The following ASB3 variants were observed in gnomAD, a reference collection of about 807,000 sequenced individuals.
ASB3 encodes the protein ankyrin repeat and SOCS box containing 3, also known as ankyrin repeat and SOCS box protein 3.
In ASB3, 41 loss-of-function variants were observed where a neutral mutation model predicts 54.5. The ratio of observed to expected loss-of-function variants is 0.75; its 90% CI spans 0.59 to 0.98. The LOEUF is 0.98. Among genes scored for constraint, ASB3 ranks in the 50% least tolerant of loss-of-function variants. The pLI, the probability that ASB3 is intolerant of heterozygous loss-of-function variation, is 0.00. For missense variants in ASB3, 733 were observed against 620.0 expected (o/e 1.18, Z -1.94); for synonymous variants, 266 against 221.2 (o/e 1.20, Z -1.80).
intron 5 of ASB3, among the ~76,000 whole-genome samples, chr2:53,717,354 C>A (rs576449802): frequency 6.6e-6 from 1 of 152,068 alleles, no homozygotes; most frequent in South Asian, 2.1e-4. Flanking sequence ...ATGGGAGCCA[C>A]GCCTTAAAAC....
intron 5 of ASB3, among the ~76,000 whole-genome samples, chr2:53,726,597 TAC>T (rs905884482): frequency 2.6e-5 from 4 of 151,068 alleles, no homozygotes; most frequent in Non-Finnish European, 4.4e-5. Flanking sequence ...TATATATATA[TAC>T]ACACACACAT....
At chr2:53,770,100 C>A (rs1477977960) in intron 1 of ASB3, among the ~76,000 whole-genome samples, 1 of 152,134 alleles carries the variant, frequency 6.6e-6, no homozygotes, top group Non-Finnish European at 1.5e-5. Flanking sequence ...ACTTGACCCT[C>A]ACCAATATAT....
intron 3 of ASB3, among the ~76,000 whole-genome samples, chr2:53,733,998 C>A (rs574743749): frequency 2.6e-5 from 4 of 152,332 alleles, no homozygotes; most frequent in African/African-American, 9.6e-5. Context: ...AGGAGCATGT[C>A]CTTAAGGCAC....
chr2:53,704,528 A>G (rs1669666001), intron 7 of ASB3, among the ~76,000 whole-genome samples: 1 of 152,164 alleles, frequency 6.6e-6, no homozygotes, highest in Admixed American at 6.5e-5. Context: ...CAAAAGAAAT[A>G]ACCAAAAACA....
chr2:53,765,522 A>G lies in ASB3; in HGVS notation c.51T>C (p.Ala17=), dbSNP rs1183059842. ...YADTCSTVGL[A]AREGNVKVLR... ...AGACTTTAACATTGCCTTCCCTGGC[A>G]GCAAGTCCAACTGTAGAGCACGTGT... Residue 17 remains alanine, a synonymous_variant, in exon 2 of 10, where the codon GCT becomes GCC. Coordinates refer to ENST00000263634, the MANE Select transcript of ASB3 (RefSeq NM_016115.5). The G allele has an allele frequency of 1.2e-6, 2 of 1,614,218 alleles. No individual in the cohort carries two copies. Among genetic ancestry groups the G allele is most frequent in the African/African-American group, 1.3e-5 (1 of 75,060 alleles).
At chr2:53,743,297 G>A (rs540783569) in intron 3 of ASB3, among the ~76,000 whole-genome samples, 1 of 151,494 alleles carries the variant, frequency 6.6e-6, no homozygotes, top group African/African-American at 2.4e-5. Context: ...GAGCAACAGC[G>A]CCCAGCCAAA....
At chr2:53,695,894 C>T (rs528007575) in intron 8 of ASB3, among the ~76,000 whole-genome samples, 1 of 152,046 alleles carries the variant, frequency 6.6e-6, no homozygotes, top group East Asian at 1.9e-4. Context: ...ACAAGCAATA[C>T]CCAGAAAATA....
chr2:53,731,026 T>G (rs1053146755), intron 3 of ASB3, among the ~76,000 whole-genome samples: 2 of 152,184 alleles, frequency 1.3e-5, no homozygotes, highest in African/African-American at 4.8e-5. Flanking sequence ...ACAAGTAACA[T>G]GCCATTGATA....
At chr2:53,689,511 T>C (rs1668799791) in intron 9 of ASB3, among the ~76,000 whole-genome samples, 1 of 152,232 alleles carries the variant, frequency 6.6e-6, no homozygotes, top group Admixed American at 6.5e-5. Flanking sequence ...AGTTCATTAT[T>C]ATCAGAAAGG....
intron 5 of ASB3, among the ~76,000 whole-genome samples, chr2:53,723,550 C>T (rs773368883): frequency 2.6e-5 from 4 of 152,150 alleles, no homozygotes; most frequent in East Asian, 1.9e-4. Flanking sequence ...ATCAAACTAC[C>T]GACACCATTT....
At chr2:53,754,723 T>A (rs1430463597) in intron 2 of ASB3, among the ~76,000 whole-genome samples, 2 of 152,206 alleles carry the variant, frequency 1.3e-5, no homozygotes, top group African/African-American at 4.8e-5. Flanking sequence ...TCAATAGGGT[T>A]CAATAGAATT....
chr2:53,760,415 G>A (rs1030662790), intron 2 of ASB3, among the ~76,000 whole-genome samples: 5 of 152,056 alleles, frequency 3.3e-5, no homozygotes, highest in Non-Finnish European at 7.4e-5. Flanking sequence ...GAAGGGAACC[G>A]CCAAGCAGAT....
chr2:53,715,338 AAGAC>A (rs532548572), intron 6 of ASB3, among the ~76,000 whole-genome samples: 10 of 152,312 alleles, frequency 6.6e-5, no homozygotes, highest in Middle Eastern at 3.4e-3. Flanking sequence ...TTTCTGGGAA[AAGAC>A]AGACAGGGCT....
intron 1 of ASB3, among the ~76,000 whole-genome samples, chr2:53,784,092 C>A (rs973588193): frequency 1.3e-5 from 2 of 152,158 alleles, no homozygotes; most frequent in Non-Finnish European, 2.9e-5. Context: ...CCTTAATTGG[C>A]AGAGGTAGAA....
chr2:53,773,754 G>A (rs1674117832), intron 1 of ASB3, among the ~76,000 whole-genome samples: 1 of 151,776 alleles, frequency 6.6e-6, no homozygotes. Context: ...ACAAGATACA[G>A]GCAGGCATGG....
chr2:53,747,092 A>G (rs1672267815), intron 3 of ASB3, among the ~76,000 whole-genome samples: 1 of 152,180 alleles, frequency 6.6e-6, no homozygotes, highest in African/African-American at 2.4e-5. Context: ...AATTTTCTCC[A>G]AATACTAATA....
At chr2:53,765,215 A>C (rs1673369473) in intron 2 of ASB3, 162 bp downstream of exon 2, 11 of 621,350 alleles carry the variant, frequency 1.8e-5, no homozygotes, top group Non-Finnish European at 2.2e-5. Context: ...ATTGAATCCA[A>C]GGCAGGCAAT....
intron 9 of ASB3, among the ~76,000 whole-genome samples, chr2:53,679,947 T>C (rs950064147): frequency 6.6e-6 from 1 of 152,134 alleles, no homozygotes; most frequent in Admixed American, 6.5e-5. Flanking sequence ...TACGTGTCCC[T>C]AGGTTCTCAT....
At chr2:53,673,158 C>A (rs1344422861) in intron 9 of ASB3, among the ~76,000 whole-genome samples, 3 of 152,124 alleles carry the variant, frequency 2.0e-5, no homozygotes, top group Non-Finnish European at 4.4e-5. Flanking sequence ...ACTGTTTAAT[C>A]CAGTGTGTGT....
Sources: allele counts gnomAD v4.1 joint callset (sites outside exome capture counted in the v4.1 genomes callset), GRCh38; gene constraint gnomAD v4.1.1; transcripts MANE v1.5; gene names NCBI Gene and HGNC (gene_info 2026-07-23, HGNC 2026-07-21).